OPCML: variants seen among roughly 807,000 people sequenced by gnomAD.
The protein encoded by OPCML is opioid binding protein/cell adhesion molecule like.
OPCML carries 13 observed loss-of-function variants against 37.8 expected under a neutral mutation model. The observed-to-expected ratio is 0.34, with a 90% CI of 0.22 to 0.55. OPCML has a LOEUF of 0.55. Among genes scored for constraint, OPCML ranks in the 20% least tolerant of loss-of-function variants. The pLI is 0.91. For synonymous variants in OPCML, 176 were observed against 168.8 expected, an observed-to-expected ratio of 1.04 and a Z score of -0.33; for missense variants, 341 against 435.6, an observed-to-expected ratio of 0.78 and a Z score of 1.93.
At chr11:133,331,151 G>A (rs1231722957) in intron 1 of OPCML, among the ~76,000 whole-genome samples, 3 of 152,184 alleles carry the variant, frequency 2.0e-5, no homozygotes, top group Admixed American at 6.5e-5. Flanking sequence ...GTTCAAGAAC[G>A]AGCAGGTGAG....
intron 1 of OPCML, among the ~76,000 whole-genome samples, chr11:133,251,326 T>C (rs1941125955): frequency 1.3e-5 from 2 of 152,044 alleles, no homozygotes; most frequent in African/African-American, 4.8e-5. Flanking sequence ...GCAGTAGCCT[T>C]AGTGCCCCAA....
chr11:133,290,080 C>T (rs1942434772), intron 1 of OPCML, among the ~76,000 whole-genome samples: 1 of 152,178 alleles, frequency 6.6e-6, no homozygotes, highest in Non-Finnish European at 1.5e-5. Flanking sequence ...CAAATCTCCT[C>T]AAATTCCACA....
At chr11:132,757,490 A>G (rs936653249) in intron 2 of OPCML, among the ~76,000 whole-genome samples, 2 of 152,204 alleles carry the variant, frequency 1.3e-5, no homozygotes, top group Non-Finnish European at 2.9e-5. Context: ...AATGATTGCC[A>G]TTCTAACTGG....
intron 7 of OPCML, among the ~76,000 whole-genome samples, chr11:132,423,598 G>A (rs1337258571): frequency 1.3e-5 from 2 of 152,208 alleles, no homozygotes; most frequent in Admixed American, 6.5e-5. Flanking sequence ...GTAGCCCTGT[G>A]TAACTGGAAA....
At chr11:133,502,922 G>A (rs1947947492) in intron 1 of OPCML, among the ~76,000 whole-genome samples, 2 of 152,264 alleles carry the variant, frequency 1.3e-5, no homozygotes, top group South Asian at 4.2e-4. Flanking sequence ...GAGCTCTCAG[G>A]ATACAGGGCT....
rs188556311 is a variant in OPCML, at chr11:132,688,388, G to A, written c.147-31069C>T. Among the ~76,000 whole-genome samples, 263 of 152,242 alleles carry A rather than the reference G, an allele frequency of 1.7e-3. 4 individuals are homozygous for A. The highest frequency in any genetic ancestry group is 0.016 in the Admixed American group (238 of 15,286). On this transcript the variant is annotated intron_variant, in intron 2 of 7. Transcript: ENST00000524381. ...TGGTACCCGTAATCTAGTCCTGACC[G>A]ACACTAGCTTGAGACATTGAGTGTG...
chr11:132,729,311 A>G (rs1205634325), intron 2 of OPCML, among the ~76,000 whole-genome samples: 1 of 152,136 alleles, frequency 6.6e-6, no homozygotes, highest in Non-Finnish European at 1.5e-5. Flanking sequence ...ATGTTTAACT[A>G]ATCTTAAAAT....
intron 1 of OPCML, among the ~76,000 whole-genome samples, chr11:133,506,937 G>A (rs1353423580): frequency 6.6e-6 from 1 of 152,206 alleles, no homozygotes; most frequent in Non-Finnish European, 1.5e-5. Context: ...TTCCCACAGT[G>A]CCCCCACTCA....
At chr11:132,432,944 T>C (rs112943767) in intron 7 of OPCML, among the ~76,000 whole-genome samples, 2,107 of 152,314 alleles carry the variant, frequency 0.014, 22 homozygotes, top group Middle Eastern at 0.061. Flanking sequence ...TGCTAGACAA[T>C]GCTCTGTGTG....
chr11:133,437,744 T>A (rs978641948), intron 1 of OPCML, among the ~76,000 whole-genome samples: 3 of 123,166 alleles, frequency 2.4e-5, no homozygotes, highest in African/African-American at 1.0e-4. Context: ...CCTCTCATTT[T>A]AAAAATTTCC....
chr11:132,500,207 A>G (rs1012338895), intron 4 of OPCML, among the ~76,000 whole-genome samples: 34 of 152,190 alleles, frequency 2.2e-4, no homozygotes, highest in Non-Finnish European at 4.3e-4. Context: ...GCCCCCCTGC[A>G]AGTGAAATTG....
rs549893655 is a variant in OPCML, at chr11:132,801,772, G to A, written c.146+141154C>T. Among the ~76,000 whole-genome samples, 7 of 152,164 alleles carry A rather than the reference G, an allele frequency of 4.6e-5. No homozygotes were observed. The East Asian group carries it at 7.7e-4, about 17-fold the overall frequency. ...GTCTCAGTCTATTCTCCGAGCTCTA[G>A]GCTCATGAATTCAGGAAATCTTTAT... On this transcript the variant is annotated intron_variant, in intron 2 of 7. Transcript: ENST00000524381.
chr11:132,484,129 C>G (rs1215478500), intron 4 of OPCML, among the ~76,000 whole-genome samples: 3 of 151,982 alleles, frequency 2.0e-5, no homozygotes, highest in Non-Finnish European at 4.4e-5. Flanking sequence ...AGTGAACAGG[C>G]AACCTACAGA....
At chr11:132,624,636 C>T (rs1247203766) in intron 3 of OPCML, among the ~76,000 whole-genome samples, 1 of 151,978 alleles carries the variant, frequency 6.6e-6, no homozygotes, top group Non-Finnish European at 1.5e-5. Context: ...AGTCATAACT[C>T]CACTCGTTCT....
Position 132,607,307 on chromosome 11 carries a change from G to A in OPCML, c.379+49780C>T, listed in dbSNP as rs142691854. Among the ~76,000 whole-genome samples the A allele has an allele frequency of 3.9e-5, 6 of 152,328 alleles. No homozygotes were observed. The East Asian group carries it at 1.2e-3, about 29-fold the overall frequency. On this transcript the variant is annotated intron_variant, in intron 3 of 7. Transcript: ENST00000524381. Reference sequence around the variant, plus strand: ...TTTGGAGCCCCCAGCCTTTTGTACAGCATCATGAGGTTGGGTGGGGTCTCT... The same window carrying A: ...TTTGGAGCCCCCAGCCTTTTGTACAACATCATGAGGTTGGGTGGGGTCTCT...
At chr11:133,409,433 T>C (rs1945597528) in intron 1 of OPCML, among the ~76,000 whole-genome samples, 1 of 152,210 alleles carries the variant, frequency 6.6e-6, no homozygotes, top group African/African-American at 2.4e-5. Context: ...TGAGAATATT[T>C]ACTCCATAAA....
At chr11:132,868,572 G>T (rs1942666832) in intron 2 of OPCML, among the ~76,000 whole-genome samples, 2 of 152,102 alleles carry the variant, frequency 1.3e-5, no homozygotes, top group Admixed American at 6.5e-5. Context: ...AGTGAAGTGT[G>T]AAGTCCAATC....
chr11:132,878,946 G>A (rs912347788), intron 2 of OPCML, among the ~76,000 whole-genome samples: 7 of 152,134 alleles, frequency 4.6e-5, no homozygotes, highest in East Asian at 1.9e-4. Flanking sequence ...GTTAAAAAGC[G>A]AACTAATCAA....
At chr11:133,487,144 T>C (rs1440189589) in intron 1 of OPCML, among the ~76,000 whole-genome samples, 2 of 152,104 alleles carry the variant, frequency 1.3e-5, no homozygotes, top group East Asian at 3.9e-4. Context: ...AGCTGGTAAA[T>C]TGCAAATCAA....
Sources: gnomAD v4.1 joint callset for allele counts (sites outside exome capture counted in the v4.1 genomes callset) on GRCh38, gnomAD v4.1.1 for gene constraint, MANE v1.5 for transcripts, NCBI Gene and HGNC (gene_info 2026-07-23, HGNC 2026-07-21) for gene names.